Variants in ADAMTSL3 observed in about 807,000 individuals in gnomAD.
ADAMTSL3 encodes the protein ADAMTS like 3.
ADAMTSL3 carries 128 observed loss-of-function variants against 201.7 expected under a neutral mutation model. The ratio of observed to expected loss-of-function variants is 0.63; its 90% confidence interval spans 0.55 to 0.73. The LOEUF is 0.73. ADAMTSL3 is among the 30% of genes least tolerant of loss of function. The pLI is 0.00. For synonymous variants in ADAMTSL3, 738 were observed against 748.4 expected (o/e 0.99, Z 0.23); for missense variants, 1,990 against 2,119.6 (o/e 0.94, Z 1.20).
At chr15:83,827,031 T>C (rs1196695334) in intron 6 of ADAMTSL3, among the ~76,000 whole-genome samples, 1 of 152,182 alleles carries the variant, frequency 6.6e-6, no homozygotes, top group Admixed American at 6.5e-5. Context: ...TACCCAGTAA[T>C]AGGATGGCTG....
intron 26 of ADAMTSL3, among the ~76,000 whole-genome samples, chr15:84,024,753 G>A (rs537021910): frequency 6.6e-6 from 1 of 152,330 alleles, no homozygotes; most frequent in South Asian, 2.1e-4. Flanking sequence ...GGTTAGTCAT[G>A]TGGTCATAGC....
intron 15 of ADAMTSL3, among the ~76,000 whole-genome samples, chr15:83,909,953 G>A (rs1159796527): frequency 1.3e-5 from 2 of 152,110 alleles, no homozygotes; most frequent in East Asian, 1.9e-4. Flanking sequence ...TCAAACCCCA[G>A]TCCCACTCAA....
In ADAMTSL3 at chr15:83,982,926, A is replaced by G. The variant is rs1567281134; in HGVS notation, c.3298A>G (p.Ile1100Val). The change falls in exon 21 of 30, where the codon ATA (isoleucine) becomes GTA (valine). Residue 1100 changes from isoleucine to valine, a missense_variant. Physicochemically the swap from Ile to Val is conservative, Grantham distance 29. Coordinates refer to ENST00000286744, the MANE Select transcript of ADAMTSL3 (RefSeq NM_207517.3). ...GGATACAGCCCAGTTTGATGAGCTGATAAGAAACATGAGTCAGCTCATGGA... is the reference window on the plus strand; with the variant it reads ...GGATACAGCCCAGTTTGATGAGCTGGTAAGAAACATGAGTCAGCTCATGGA... ...SMDTAQFDEL[I>V]RNMSQLMETG... is the part of the protein sequence containing the mutation. The G allele has an allele frequency of 6.2e-7, 1 of 1,614,142 alleles. No homozygotes were observed. The highest frequency in any genetic ancestry group is 1.7e-5 in the Admixed American group (1 of 60,028).
chr15:83,943,174 C>T, intron 19 of ADAMTSL3, 92 bp downstream of exon 19: 1 of 1,409,902 alleles, frequency 7.1e-7, no homozygotes, highest in African/African-American at 1.4e-5. Context: ...GCTGGAACTA[C>T]TGTGAGATGA....
At chr15:83,741,645 A>G (rs1347107391) in intron 3 of ADAMTSL3, among the ~76,000 whole-genome samples, 1 of 152,250 alleles carries the variant, frequency 6.6e-6, no homozygotes, top group Non-Finnish European at 1.5e-5. Flanking sequence ...AACATTTAAG[A>G]AAACCAACTC....
At chr15:83,672,279 G>A (rs2061338653) in intron 2 of ADAMTSL3, among the ~76,000 whole-genome samples, 1 of 152,168 alleles carries the variant, frequency 6.6e-6, no homozygotes, top group Admixed American at 6.5e-5. Flanking sequence ...ATGTTAGAAT[G>A]CAAAAATAAG....
Position 83,913,284 on chromosome 15 carries a change from C to T in ADAMTSL3, c.1893C>T (p.Ser631=). 1 of 1,614,020 alleles carries T rather than the reference C, an allele frequency of 6.2e-7. No homozygotes were observed. Among genetic ancestry groups the T allele is most frequent in the Non-Finnish European group, 8.5e-7 (1 of 1,180,022 alleles). ...AAGCATGTGATGAGAGCCCGGCCTC[C>T]CGAGAGCTAGACATCCCTCTCCCTG... ...LLEACDESPA[S]RELDIPLPED... is the part of the protein sequence containing the mutation. The change falls in exon 16 of 30, where the codon TCC becomes TCT. Residue 631 remains serine, a synonymous_variant. Coordinates refer to ENST00000286744, the MANE Select transcript of ADAMTSL3 (RefSeq NM_207517.3).
At chr15:83,997,592 A>G (rs1283219463) in intron 23 of ADAMTSL3, among the ~76,000 whole-genome samples, 2 of 151,004 alleles carry the variant, frequency 1.3e-5, no homozygotes, top group African/African-American at 4.8e-5. Context: ...TCCGTCTCAA[A>G]AAACAAAACA....
chr15:83,771,004 G>C (rs768377986), intron 3 of ADAMTSL3, among the ~76,000 whole-genome samples: 14 of 152,110 alleles, frequency 9.2e-5, no homozygotes, highest in Non-Finnish European at 1.9e-4. Context: ...CCAGGAGGTG[G>C]AGGTGGTAGT....
At chr15:83,934,981 T>C (rs2066435642) in intron 17 of ADAMTSL3, among the ~76,000 whole-genome samples, 1 of 152,128 alleles carries the variant, frequency 6.6e-6, no homozygotes, top group South Asian at 2.1e-4. Context: ...CACTTACAGG[T>C]GGGAGCTAAA....
At position 83,773,520 on chromosome 15, in the gene ADAMTSL3, T is replaced by C. The variant is rs75442575; in HGVS notation, c.190-3T>C. On this transcript the variant is annotated splice_polypyrimidine_tract_variant and splice_region_variant and intron_variant, in intron 3 of 29. Coordinates refer to ENST00000286744, the MANE Select transcript of ADAMTSL3 (RefSeq NM_207517.3). ...TTTTGTTTGTTTGCTTTTTAACATCTAGACCTCAAGAAACACTCGTTCAGA... is the reference window on the plus strand; with the variant it reads ...TTTTGTTTGTTTGCTTTTTAACATCCAGACCTCAAGAAACACTCGTTCAGA... 0.066 allele frequency: 106,120 copies of C among 1,612,916 alleles called. 4,178 individuals are homozygous for C. The highest frequency in any genetic ancestry group is 0.19 in the East Asian group (8,617 of 44,770).
At chr15:83,948,782 T>C (rs1038053944) in intron 19 of ADAMTSL3, among the ~76,000 whole-genome samples, 1 of 140,770 alleles carries the variant, frequency 7.1e-6, no homozygotes, top group African/African-American at 2.5e-5. Context: ...AAACTCTTCT[T>C]TTACTCATTT....
In ADAMTSL3 at chr15:84,017,346, T is replaced by A. The variant is rs1283719384; in HGVS notation, c.4273+847T>A. On this transcript the variant is annotated intron_variant, in intron 25 of 29. Coordinates refer to ENST00000286744, the MANE Select transcript of ADAMTSL3 (RefSeq NM_207517.3). ...GTTAGCCAGGATGATCTCGATCTCCTGACCTCGTGATCCGCCCACCTTGGC... is the reference window on the plus strand; with the variant it reads ...GTTAGCCAGGATGATCTCGATCTCCAGACCTCGTGATCCGCCCACCTTGGC... Among the ~76,000 whole-genome samples the A allele has an allele frequency of 2.6e-5, 4 of 152,322 alleles. No individual in the cohort carries two copies. The East Asian group carries it at 7.7e-4, about 29-fold the overall frequency.
At chr15:83,891,209 A>AT in intron 11 of ADAMTSL3, 120 bp from the exon 12 acceptor site, 2 of 833,802 alleles carry the variant, frequency 2.4e-6, no homozygotes, top group Non-Finnish European at 3.8e-6. Flanking sequence ...AACACTTGAT[A>AT]TTTTTAGTTT....
chr15:83,974,997 T>G (rs2067257817), intron 20 of ADAMTSL3, among the ~76,000 whole-genome samples: 1 of 136,148 alleles, frequency 7.3e-6, no homozygotes, highest in Non-Finnish European at 1.6e-5. Context: ...ACAGCCTGCG[T>G]CTTTTTTTTT....
At chr15:83,804,583 T>TC in intron 4 of ADAMTSL3, 67 bp from the exon 5 acceptor site, 1 of 1,075,994 alleles carries the variant, frequency 9.3e-7, no homozygotes, top group Non-Finnish European at 1.3e-6. Context: ...CTTTTTTTTT[T>TC]TTTTTTTAAT....
At chr15:83,981,881 CAT>C (rs1163040433) in intron 20 of ADAMTSL3, among the ~76,000 whole-genome samples, 1 of 152,208 alleles carries the variant, frequency 6.6e-6, no homozygotes, top group East Asian at 1.9e-4. Context: ...TTGATGGAAA[CAT>C]GTACCCAGAG....
In ADAMTSL3 at chr15:83,934,155, A is replaced by C. The variant is rs997452276; in HGVS notation, c.2118-8441A>C. Among the ~76,000 whole-genome samples, 3 of 152,200 alleles carry C rather than the reference A, an allele frequency of 2.0e-5. 1 individual carries two copies. The highest frequency in any genetic ancestry group is 4.4e-5 in the Non-Finnish European group (3 of 68,026). Reference sequence around the variant, plus strand: ...TCCTGAAAAAGCTGCAGACAACGTCAGCCCATGAAAGCAGCTGGGAGGGGG... The same window carrying C: ...TCCTGAAAAAGCTGCAGACAACGTCCGCCCATGAAAGCAGCTGGGAGGGGG... On this transcript the variant is annotated intron_variant, in intron 17 of 29. Coordinates refer to ENST00000286744, the MANE Select transcript of ADAMTSL3 (RefSeq NM_207517.3).
intron 4 of ADAMTSL3, 32 bp from the exon 5 acceptor site, chr15:83,804,618 A>C (rs774678506): frequency 8.2e-7 from 1 of 1,219,030 alleles, no homozygotes; most frequent in Non-Finnish European, 1.1e-6. Context: ...TGAAATCATT[A>C]TTTCTTCTTT....
Sources: gnomAD v4.1 joint callset for allele counts (sites outside exome capture counted in the v4.1 genomes callset) on GRCh38, gnomAD v4.1.1 for gene constraint, MANE v1.5 for transcripts, NCBI Gene and HGNC (gene_info 2026-07-23, HGNC 2026-07-21) for gene names.